The following PCDHA12 variants were observed in gnomAD, a reference collection of about 807,000 sequenced individuals.
PCDHA12 encodes protocadherin alpha 12.
A neutral mutation model predicts 60.0 loss-of-function variants in PCDHA12; 44 were observed. That is an observed-to-expected ratio of 0.73 (90% CI 0.58 to 0.94). The LOEUF is 0.94. PCDHA12 is among the 40% of genes least tolerant of loss of function. The pLI is 0.00. For synonymous variants in PCDHA12, 569 were observed against 553.0 expected (o/e 1.03, Z -0.40); for missense variants, 1,276 against 1,239.7 (o/e 1.03, Z -0.44).
intron 1 of PCDHA12, among the ~76,000 whole-genome samples, chr5:140,905,419 C>T (rs2071826794): frequency 6.6e-6 from 1 of 152,158 alleles, no homozygotes; most frequent in South Asian, 2.1e-4. Flanking sequence ...CAGTACCATG[C>T]TGGTTTGATA....
At chr5:140,934,279 A>G (rs2089746811) in intron 1 of PCDHA12, among the ~76,000 whole-genome samples, 1 of 152,104 alleles carries the variant, frequency 6.6e-6, no homozygotes, top group South Asian at 2.1e-4. Flanking sequence ...TGCTTCATCA[A>G]GGGCATTCTT....
At chr5:140,998,199 C>A (rs1472137266) in intron 3 of PCDHA12, among the ~76,000 whole-genome samples, 2 of 152,172 alleles carry the variant, frequency 1.3e-5, no homozygotes, top group Non-Finnish European at 2.9e-5. Flanking sequence ...GTATTAACTC[C>A]TTTAATCTGT....
chr5:140,978,911 T>C, intron 1 of PCDHA12, 38 bp from the exon 2 acceptor site: 1 of 1,613,856 alleles, frequency 6.2e-7, no homozygotes, highest in Non-Finnish European at 8.5e-7. Context: ...AACATTGTCT[T>C]GTCATTTTAA....
chr5:140,936,200 T>C (rs906256264), intron 1 of PCDHA12, among the ~76,000 whole-genome samples: 4 of 152,322 alleles, frequency 2.6e-5, no homozygotes, highest in African/African-American at 7.2e-5. Context: ...GCCAAAGTTG[T>C]CTTTTTTATT....
chr5:140,876,963 G>T lies in PCDHA12; in HGVS notation c.1491G>T (p.Arg497=). The T allele has an allele frequency of 2.5e-6, 4 of 1,613,068 alleles. No homozygotes were observed. The highest frequency in any genetic ancestry group is 2.5e-6 in the Non-Finnish European group (3 of 1,179,804). Residue 497 remains arginine (R), a synonymous_variant, in exon 1 of 4, where the codon CGG becomes CGT. Transcript: ENST00000398631. ...NALVSYSLVE[R]RVGEHALSSY... The stretch of plus-strand genomic sequence containing the variant: ...TGGTGTCCTACTCGCTGGTGGAGCG[G>T]CGGGTGGGCGAGCACGCACTGTCGA...
chr5:140,928,587 C>T, intron 1 of PCDHA12: 1 of 1,614,228 alleles, frequency 6.2e-7, no homozygotes. Flanking sequence ...ATGGTTCTGT[C>T]CCAGTGGAAA....
chr5:140,895,166 C>T (rs1319581978), intron 1 of PCDHA12, among the ~76,000 whole-genome samples: 1 of 152,138 alleles, frequency 6.6e-6, no homozygotes, highest in Non-Finnish European at 1.5e-5. Context: ...ACAATCCAAT[C>T]TATTTGTAGT....
intron 3 of PCDHA12, among the ~76,000 whole-genome samples, chr5:141,000,006 C>T (rs1453937377): frequency 1.3e-5 from 2 of 151,992 alleles, no homozygotes; most frequent in Admixed American, 1.3e-4. Context: ...TTAGATTGGC[C>T]TCCCCATTGC....
At chr5:140,976,007 A>G (rs546477565) in intron 1 of PCDHA12, among the ~76,000 whole-genome samples, 55 of 152,354 alleles carry the variant, frequency 3.6e-4, no homozygotes, top group African/African-American at 1.3e-3. Flanking sequence ...TAAGTATTAA[A>G]GAACTAAATA....
chr5:140,957,523 T>G (rs987363578), intron 1 of PCDHA12, among the ~76,000 whole-genome samples: 1 of 152,156 alleles, frequency 6.6e-6, no homozygotes, highest in African/African-American at 2.4e-5. Context: ...TTTCAGACAT[T>G]CAGTGGGGAT....
chr5:141,005,417 T>G (rs1323051159), intron 3 of PCDHA12, among the ~76,000 whole-genome samples: 2 of 152,062 alleles, frequency 1.3e-5, no homozygotes, highest in African/African-American at 4.8e-5. Context: ...TGAGGAGTCA[T>G]GCTAAGAATG....
intron 1 of PCDHA12, among the ~76,000 whole-genome samples, chr5:140,887,189 C>T (rs1268664594): frequency 6.6e-6 from 1 of 151,836 alleles, no homozygotes; most frequent in Non-Finnish European, 1.5e-5. Context: ...CTCCACCTCC[C>T]GGGTTCACGC....
intron 1 of PCDHA12, among the ~76,000 whole-genome samples, chr5:140,916,285 G>A (rs530335868): frequency 1.2e-4 from 18 of 152,154 alleles, no homozygotes; most frequent in Non-Finnish European, 2.4e-4. Flanking sequence ...TCTACTCCAC[G>A]TGGCCAAACT....
intron 1 of PCDHA12, among the ~76,000 whole-genome samples, chr5:140,921,048 T>C (rs1554200052): frequency 6.6e-6 from 1 of 152,052 alleles, no homozygotes; most frequent in African/African-American, 2.4e-5. Context: ...GGGGCAATCA[T>C]AGCTCACTCT....
chr5:140,893,693 T>G (rs868968555), intron 1 of PCDHA12, among the ~76,000 whole-genome samples: 43 of 152,366 alleles, frequency 2.8e-4, no homozygotes, highest in Middle Eastern at 3.4e-3. Context: ...CATCTCATTC[T>G]ATCCTAGCCT....
At chr5:140,900,512 G>T (rs1191935182) in intron 1 of PCDHA12, among the ~76,000 whole-genome samples, 4 of 152,300 alleles carry the variant, frequency 2.6e-5, no homozygotes, top group Middle Eastern at 3.4e-3. Context: ...CCCAGCCTCA[G>T]GTGATCTGCC....
At chr5:140,984,139 C>T (rs2097088415) in intron 3 of PCDHA12, among the ~76,000 whole-genome samples, 1 of 152,178 alleles carries the variant, frequency 6.6e-6, no homozygotes. Flanking sequence ...GATGTGGAGG[C>T]ATCTGGGAAG....
rs77078209 is a variant in PCDHA12 at position 140,927,973 on chromosome 5, C to T, written c.2367+50134C>T. ...CGCTGCCCCTGGCACAGTGATTGCT[C>T]TCTTTAGTGTAAAGGATGAAGACCT... On this transcript the variant is annotated intron_variant, in intron 1 of 3. Transcript: ENST00000398631. The T allele has an allele frequency of 1.9e-6, 3 of 1,614,216 alleles. No individual in the cohort carries two copies. The East Asian group carries it at 6.7e-5, about 36-fold the overall frequency.
In PCDHA12 at chr5:140,892,541, T is replaced by G. The variant is rs192378744; in HGVS notation, c.2367+14702T>G. Among the ~76,000 whole-genome samples, 3 of 152,250 alleles carry G rather than the reference T, an allele frequency of 2.0e-5. 1 individual carries two copies. The highest frequency in any genetic ancestry group is 7.2e-5 in the African/African-American group (3 of 41,464). ...CTGGTAGACTCAGGATTCTGACTTT[T>G]GTTTCTCTAGTCCTTGGAGACTGTC... On this transcript the variant is annotated intron_variant, in intron 1 of 3. Transcript: ENST00000398631.
Sources: gnomAD v4.1 joint callset for allele counts (sites outside exome capture counted in the v4.1 genomes callset) on GRCh38, gnomAD v4.1.1 for gene constraint, MANE v1.5 for transcripts, NCBI Gene and HGNC (gene_info 2026-07-23, HGNC 2026-07-21) for gene names.